LRP1B: variants seen among roughly 807,000 people sequenced by gnomAD.
LRP1B encodes LDL receptor related protein 1B, also known as low-density lipoprotein receptor-related protein 1B.
Under a neutral mutation model 556.6 loss-of-function variants are expected in LRP1B, and 217 were observed. The observed-to-expected ratio is 0.39, with a 90% CI of 0.35 to 0.44. LRP1B has a LOEUF of 0.44. Ranked by LOEUF, LRP1B falls within the 20% of genes least tolerant of loss-of-function variation. The pLI is 1.00. For synonymous variants in LRP1B, 2,047 were observed against 1,865.8 expected (o/e 1.10, Z -2.50); for missense variants, 5,053 against 5,620.8 (o/e 0.90, Z 3.23).
intron 59 of LRP1B, among the ~76,000 whole-genome samples, chr2:140,481,602 ATT>A (rs1370599408): frequency 1.5e-5 from 2 of 131,454 alleles, no homozygotes; most frequent in South Asian, 2.3e-4. Context: ...TATTATTATT[ATT>A]ATTATTATTA....
At chr2:140,562,272 A>C (rs557793705) in intron 43 of LRP1B, among the ~76,000 whole-genome samples, 17 of 152,318 alleles carry the variant, frequency 1.1e-4, no homozygotes, top group African/African-American at 4.1e-4. Context: ...TTGATAAATT[A>C]AGGAACCATT....
At chr2:140,323,610 AAAAT>A (rs534496354) in intron 81 of LRP1B, among the ~76,000 whole-genome samples, 6 of 151,460 alleles carry the variant, frequency 4.0e-5, no homozygotes, top group Admixed American at 3.9e-4. Context: ...TAATAATAAT[AAAAT>A]AAAAGAATTT....
intron 66 of LRP1B, among the ~76,000 whole-genome samples, chr2:140,406,151 A>AT (rs1684726930): frequency 6.6e-6 from 1 of 152,142 alleles, no homozygotes; most frequent in African/African-American, 2.4e-5. Context: ...TTGGTTTATG[A>AT]TAAAAACACT....
chr2:140,517,413 A>G (rs931501344), intron 49 of LRP1B, among the ~76,000 whole-genome samples: 88 of 152,178 alleles, frequency 5.8e-4, no homozygotes, highest in Admixed American at 5.6e-3. Flanking sequence ...TATTCATAGC[A>G]CAAAATAATA....
chr2:140,426,601 AC>A (rs1439997581), intron 66 of LRP1B, among the ~76,000 whole-genome samples: 2 of 151,978 alleles, frequency 1.3e-5, no homozygotes, highest in Non-Finnish European at 2.9e-5. Context: ...GCACCTTGTG[AC>A]CCCCACATCT....
intron 27 of LRP1B, among the ~76,000 whole-genome samples, chr2:140,856,911 G>C (rs1182327143): frequency 6.6e-6 from 1 of 152,112 alleles, no homozygotes; most frequent in Non-Finnish European, 1.5e-5. Flanking sequence ...AATCTAGAAA[G>C]TTAATTTTCT....
At chr2:140,548,936 C>CACAA (rs756101453) in intron 43 of LRP1B, among the ~76,000 whole-genome samples, 1 of 151,874 alleles carries the variant, frequency 6.6e-6, no homozygotes, top group Non-Finnish European at 1.5e-5. Flanking sequence ...AAAAAACCAA[C>CACAA]ACAAACAAAC....
At chr2:140,880,104 C>T (rs865804244) in intron 25 of LRP1B, among the ~76,000 whole-genome samples, 5 of 152,048 alleles carry the variant, frequency 3.3e-5, no homozygotes, top group Admixed American at 6.6e-5. Flanking sequence ...CTTTCACCAA[C>T]GAAATTTTTA....
At chr2:140,619,074 TACACACACACACACACACAC>T (rs113009077) in intron 41 of LRP1B, among the ~76,000 whole-genome samples, 2 of 146,584 alleles carry the variant, frequency 1.4e-5, no homozygotes, top group South Asian at 2.2e-4. Flanking sequence ...TATATCTATC[TACACACACACACACACACAC>T]ACACACACAC....
intron 33 of LRP1B, among the ~76,000 whole-genome samples, chr2:140,775,135 G>A (rs757839838): frequency 2.0e-4 from 30 of 151,866 alleles, no homozygotes; most frequent in Admixed American, 1.1e-3. Flanking sequence ...CCAAACCAGC[G>A]TGACCCAATC....
rs1697770729 is a variant in LRP1B at position 141,012,118 on chromosome 2, G to A, written c.2380+1438C>T. Among the ~76,000 whole-genome samples, 3 of 151,982 alleles carry A rather than the reference G, an allele frequency of 2.0e-5. No homozygotes were observed. The South Asian group carries it at 6.2e-4, about 32-fold the overall frequency. On this transcript the variant is annotated intron_variant, in intron 14 of 90. Transcript: ENST00000389484. The stretch of plus-strand genomic sequence containing the variant: ...TGAGTCCAAAGTTTTAAAAGGAGAT[G>A]TCAGGACCCAGATCTAAGCCCGGGG...
intron 1 of LRP1B, among the ~76,000 whole-genome samples, chr2:141,999,169 C>T (rs11692049): frequency 6.6e-6 from 1 of 151,976 alleles, no homozygotes; most frequent in African/African-American, 2.4e-5. Context: ...TTTAGATCTC[C>T]GTTTTAATCT....
intron 1 of LRP1B, among the ~76,000 whole-genome samples, chr2:142,011,457 T>A (rs771129356): frequency 2.6e-5 from 4 of 152,194 alleles, no homozygotes; most frequent in Non-Finnish European, 5.9e-5. Flanking sequence ...CTGAGGTTAA[T>A]GGTGATCTAG....
At chr2:140,384,260 CAAAAG>C (rs1683664085) in intron 67 of LRP1B, among the ~76,000 whole-genome samples, 1 of 152,126 alleles carries the variant, frequency 6.6e-6, no homozygotes, top group South Asian at 2.1e-4. Flanking sequence ...CCAAATATAT[CAAAAG>C]AAAAGCTAAG....
chr2:141,939,043 T>C (rs747594605), intron 1 of LRP1B, among the ~76,000 whole-genome samples: 1 of 151,982 alleles, frequency 6.6e-6, no homozygotes, highest in Non-Finnish European at 1.5e-5. Context: ...GTTGTAGTTA[T>C]ATAGAATGAT....
At chr2:140,584,973 C>G (rs1681926863) in intron 43 of LRP1B, among the ~76,000 whole-genome samples, 1 of 151,644 alleles carries the variant, frequency 6.6e-6, no homozygotes, top group African/African-American at 2.4e-5. Flanking sequence ...CTCATTTCTT[C>G]AGTGAATTTT....
intron 2 of LRP1B, among the ~76,000 whole-genome samples, chr2:141,789,033 C>G (rs1695519548): frequency 2.6e-5 from 4 of 152,028 alleles, no homozygotes; most frequent in Middle Eastern, 3.4e-3. Flanking sequence ...ATTTATAATC[C>G]TTTGGGTATA....
At chr2:142,070,782 C>A (rs949054941) in intron 1 of LRP1B, among the ~76,000 whole-genome samples, 9 of 151,886 alleles carry the variant, frequency 5.9e-5, no homozygotes, top group Admixed American at 5.3e-4. Context: ...TTAGAATTCA[C>A]ACAGGACATC....
chr2:141,027,095 C>T (rs578225499), intron 11 of LRP1B, among the ~76,000 whole-genome samples: 11 of 151,980 alleles, frequency 7.2e-5, no homozygotes, highest in African/African-American at 2.7e-4. Flanking sequence ...GCAAAGTTTC[C>T]TTGGAAGAAG....
Sources: allele counts gnomAD v4.1 joint callset (sites outside exome capture counted in the v4.1 genomes callset), GRCh38; gene constraint gnomAD v4.1.1; transcripts MANE v1.5; gene names NCBI Gene and HGNC (gene_info 2026-07-23, HGNC 2026-07-21).